The following MED12L variants were observed in gnomAD, a reference collection of about 807,000 sequenced individuals.
MED12L encodes the protein mediator of RNA polymerase II transcription subunit 12-like protein.
In MED12L, 60 loss-of-function variants were observed where a neutral mutation model predicts 281.3. That is an observed-to-expected ratio of 0.21 (90% CI 0.17 to 0.26). The LOEUF (loss-of-function observed/expected upper bound fraction) is 0.26, where lower values mean the gene tolerates loss of function less well. MED12L is among the 10% of genes least tolerant of loss of function. MED12L has a pLI of 1.00. For synonymous variants in MED12L, 974 were observed against 987.2 expected, an observed-to-expected ratio of 0.99 and a Z score of 0.25; for missense variants, 2,146 against 2,680.9, an observed-to-expected ratio of 0.80 and a Z score of 4.41.
chr3:151,142,016 T>C (rs577877030), intron 5 of MED12L, among the ~76,000 whole-genome samples: 3 of 152,376 alleles, frequency 2.0e-5, no homozygotes, highest in South Asian at 4.1e-4. Context: ...TGGCTATTGG[T>C]ATATACGTGC....
At chr3:151,304,187 C>G (rs1185818722) in intron 16 of MED12L, among the ~76,000 whole-genome samples, 1 of 152,048 alleles carries the variant, frequency 6.6e-6, no homozygotes, top group Non-Finnish European at 1.5e-5. Flanking sequence ...AAAGAACATG[C>G]CTGTGACAGA....
chr3:151,228,440 C>G (rs1052799917), intron 16 of MED12L, among the ~76,000 whole-genome samples: 2 of 152,106 alleles, frequency 1.3e-5, no homozygotes, highest in African/African-American at 2.4e-5. Context: ...AATAAACTAT[C>G]AGGCTCCTGA....
chr3:151,248,559 A>T (rs1266200350), intron 16 of MED12L, among the ~76,000 whole-genome samples: 1 of 152,102 alleles, frequency 6.6e-6, no homozygotes, highest in Non-Finnish European at 1.5e-5. Context: ...TTTTGTCACT[A>T]CCCACATACC....
chr3:151,213,661 T>C (rs1290652437), intron 16 of MED12L: 2 of 1,614,206 alleles, frequency 1.2e-6, no homozygotes, highest in Non-Finnish European at 1.7e-6. Context: ...CCGACTTGAC[T>C]TAAGGTGGGA....
chr3:151,408,255 C>T (rs376638649), intron 39 of MED12L, among the ~76,000 whole-genome samples: 1 of 152,172 alleles, frequency 6.6e-6, no homozygotes, highest in African/African-American at 2.4e-5. Context: ...ACCAGAAGCC[C>T]AGCCTCTGAA....
In MED12L at chr3:151,283,743, G is replaced by A. The variant is rs920168905; in HGVS notation, c.2251-66316G>A. Among the ~76,000 whole-genome samples, 7 of 152,180 alleles carry A rather than the reference G, an allele frequency of 4.6e-5. No individual in the cohort carries two copies. The South Asian group carries it at 1.2e-3, about 27-fold the overall frequency. On this transcript the variant is annotated intron_variant, in intron 16 of 44. Coordinates refer to ENST00000687756, the MANE Select transcript of MED12L (RefSeq NM_001393769.1). ...AAGACAGAGAATATTCTCCAACTCC[G>A]TGCTCTGGTTCTGCAAGTAAAGATA...
chr3:151,388,235 C>A (rs372389879), intron 37 of MED12L, 63 bp downstream of exon 37: 2 of 1,514,988 alleles, frequency 1.3e-6, no homozygotes, highest in Admixed American at 4.1e-5. Context: ...TTACTCGTGC[C>A]CAAATCATAT....
rs527908289 is a variant in MED12L at position 151,135,259 on chromosome 3, T to C, written c.556+7275T>C. On this transcript the variant is annotated intron_variant, in intron 5 of 44. Transcript: ENST00000687756. The stretch of plus-strand genomic sequence containing the variant: ...CTTGAACTCCTGACCTCAGGTGATC[T>C]GCCCACCTTGGCCTCCCAAAGGGCT... Among the ~76,000 whole-genome samples, 21 of 152,310 alleles carry C rather than the reference T, an allele frequency of 1.4e-4. 1 individual carries two copies. In the South Asian group the frequency reaches 4.1e-3, roughly 30 times the overall value.
chr3:151,168,571 A>C (rs929225277), intron 11 of MED12L, among the ~76,000 whole-genome samples: 3 of 152,196 alleles, frequency 2.0e-5, no homozygotes, highest in Non-Finnish European at 4.4e-5. Flanking sequence ...AATTATTTTG[A>C]ATGTTGACTC....
intron 16 of MED12L, among the ~76,000 whole-genome samples, chr3:151,258,176 G>T (rs1055421664): frequency 2.0e-5 from 3 of 152,136 alleles, no homozygotes; most frequent in Non-Finnish European, 2.9e-5. Context: ...TTCCGATATG[G>T]TATGAGACCA....
intron 16 of MED12L, among the ~76,000 whole-genome samples, chr3:151,305,411 A>G (rs1746509712): frequency 6.6e-6 from 1 of 152,034 alleles, no homozygotes; most frequent in Non-Finnish European, 1.5e-5. Flanking sequence ...TTTACTAACC[A>G]TGTTTCTTTG....
At chr3:151,134,828 A>G (rs1223400713) in intron 5 of MED12L, among the ~76,000 whole-genome samples, 3 of 152,178 alleles carry the variant, frequency 2.0e-5, no homozygotes. Flanking sequence ...TCCAGGATTT[A>G]ACTTCAGCTT....
chr3:151,315,956 T>A (rs1748174606), intron 16 of MED12L, among the ~76,000 whole-genome samples: 1 of 152,236 alleles, frequency 6.6e-6, no homozygotes, highest in Non-Finnish European at 1.5e-5. Flanking sequence ...ATCTCCATGC[T>A]TGCTTCTTGT....
intron 16 of MED12L, among the ~76,000 whole-genome samples, chr3:151,311,677 C>T (rs770985885): frequency 2.0e-5 from 3 of 152,162 alleles, no homozygotes; most frequent in Non-Finnish European, 4.4e-5. Flanking sequence ...CTTTGAGCCA[C>T]ATTCTACTTC....
At chr3:151,275,317 G>T (rs1741664448) in intron 16 of MED12L, among the ~76,000 whole-genome samples, 2 of 151,976 alleles carry the variant, frequency 1.3e-5, no homozygotes, top group Non-Finnish European at 2.9e-5. Flanking sequence ...AACCTCAAAA[G>T]CAGATGTCAT....
intron 16 of MED12L, among the ~76,000 whole-genome samples, chr3:151,284,519 A>G (rs2149633839): frequency 6.6e-6 from 1 of 152,330 alleles, no homozygotes; most frequent in African/African-American, 2.4e-5. Context: ...TGAGCACAAC[A>G]GTTATTCTTA....
intron 11 of MED12L, among the ~76,000 whole-genome samples, chr3:151,169,302 G>A (rs1386042959): frequency 1.3e-5 from 2 of 151,616 alleles, no homozygotes; most frequent in African/African-American, 4.8e-5. Context: ...TATATTTTTA[G>A]TATAGATTGG....
intron 21 of MED12L, among the ~76,000 whole-genome samples, chr3:151,361,301 A>T (rs1019310915): frequency 3.3e-5 from 5 of 152,224 alleles, no homozygotes; most frequent in Admixed American, 2.0e-4. Flanking sequence ...GAGTTTTTTT[A>T]AAATGACCAG....
chr3:151,335,398 A>G (rs949500799), intron 16 of MED12L, among the ~76,000 whole-genome samples: 11 of 152,222 alleles, frequency 7.2e-5, no homozygotes, highest in African/African-American at 2.4e-4. Flanking sequence ...AAGCTGTACA[A>G]AAATAGGCAG....
Sources: allele counts gnomAD v4.1 joint callset (sites outside exome capture counted in the v4.1 genomes callset), GRCh38; gene constraint gnomAD v4.1.1; transcripts MANE v1.5; gene names NCBI Gene and HGNC (gene_info 2026-07-23, HGNC 2026-07-21).